Variants in SLC14A2 observed in about 807,000 individuals in gnomAD.
SLC14A2 encodes the protein urea transporter 2.
A neutral mutation model predicts 104.6 loss-of-function variants in SLC14A2; 91 were observed. The observed-to-expected ratio is 0.87, with a 90% CI of 0.73 to 1.04. The LOEUF (loss-of-function observed/expected upper bound fraction) is 1.04. SLC14A2 is among the 50% of genes least tolerant of loss of function. The pLI is 0.00. For synonymous variants in SLC14A2, 476 were observed against 466.4 expected, an observed-to-expected ratio of 1.02 and a Z score of -0.27; for missense variants, 1,189 against 1,156.0, an observed-to-expected ratio of 1.03 and a Z score of -0.41.
chr18:45,308,184 T>C (rs36043071), intron 1 of SLC14A2, among the ~76,000 whole-genome samples: 38,935 of 152,066 alleles, frequency 0.26, 5,742 homozygotes, highest in African/African-American at 0.41. Flanking sequence ...CACATTTCAA[T>C]ATGAGATTTG....
intron 1 of SLC14A2, among the ~76,000 whole-genome samples, chr18:45,415,169 C>T (rs1568190520): frequency 6.6e-6 from 1 of 152,056 alleles, no homozygotes; most frequent in Non-Finnish European, 1.5e-5. Flanking sequence ...TATTCTTGAC[C>T]TTTCGTGCAG....
intron 2 of SLC14A2, among the ~76,000 whole-genome samples, chr18:45,512,798 A>G (rs9957351): frequency 0.022 from 3,364 of 152,264 alleles, 134 homozygotes; most frequent in African/African-American, 0.076. Flanking sequence ...TCACAAGGCC[A>G]TTACTGGATT....
chr18:45,445,569 G>C (rs1215217548), intron 1 of SLC14A2, among the ~76,000 whole-genome samples: 5 of 152,154 alleles, frequency 3.3e-5, no homozygotes, highest in Admixed American at 6.5e-5. Context: ...CTCTCTGCTT[G>C]TTTTCTCATC....
At chr18:45,530,121 AC>A (rs900442634) in intron 2 of SLC14A2, among the ~76,000 whole-genome samples, 2 of 152,062 alleles carry the variant, frequency 1.3e-5, no homozygotes, top group Non-Finnish European at 2.9e-5. Flanking sequence ...CATTCAAACA[AC>A]CCTTCTTTTC....
intron 1 of SLC14A2, among the ~76,000 whole-genome samples, chr18:45,344,537 G>C (rs1295302293): frequency 1.3e-5 from 2 of 152,172 alleles, no homozygotes; most frequent in Non-Finnish European, 2.9e-5. Flanking sequence ...CAGATGAAGA[G>C]ACACTTAGAG....
intron 1 of SLC14A2, among the ~76,000 whole-genome samples, chr18:45,283,122 T>C (rs1485918641): frequency 6.6e-6 from 1 of 152,218 alleles, no homozygotes; most frequent in Non-Finnish European, 1.5e-5. Flanking sequence ...CCTGACTTAC[T>C]GAGACTTCTA....
chr18:45,414,757 A>AAATATATATATATATAT (rs1360051908), intron 1 of SLC14A2, among the ~76,000 whole-genome samples: 5 of 76,110 alleles, frequency 6.6e-5, no homozygotes, highest in African/African-American at 2.3e-4. Context: ...AAAAAAAAAA[A>AAATATATATATATATAT]ATATATATAT....
chr18:45,367,421 A>G (rs1300525287), intron 1 of SLC14A2, among the ~76,000 whole-genome samples: 1 of 152,230 alleles, frequency 6.6e-6, no homozygotes, highest in Non-Finnish European at 1.5e-5. Context: ...CATGTACAAG[A>G]ACAAGGAAAA....
chr18:45,529,713 C>T (rs528892944), intron 2 of SLC14A2: 3 of 152,164 alleles, frequency 2.0e-5, no homozygotes, highest in Admixed American at 1.3e-4. Context: ...GAACTCAAGG[C>T]CTAGGAGAAT....
At chr18:45,370,654 G>C (rs1198840016) in intron 1 of SLC14A2, among the ~76,000 whole-genome samples, 2 of 152,064 alleles carry the variant, frequency 1.3e-5, no homozygotes, top group Non-Finnish European at 2.9e-5. Flanking sequence ...CCCAGAAAGA[G>C]TGCACTTCAC....
intron 2 of SLC14A2, among the ~76,000 whole-genome samples, chr18:45,521,235 C>T (rs972663449): frequency 1.3e-5 from 2 of 152,212 alleles, no homozygotes; most frequent in South Asian, 2.1e-4. Flanking sequence ...CTTGATTATC[C>T]TTACTGATGG....
chr18:45,308,168 G>A (rs2085042947), intron 1 of SLC14A2, among the ~76,000 whole-genome samples: 1 of 152,122 alleles, frequency 6.6e-6, no homozygotes, highest in Non-Finnish European at 1.5e-5. Flanking sequence ...CTCTAACACT[G>A]GGGATCACAT....
chr18:45,659,757 C>A (rs770002530), intron 10 of SLC14A2, among the ~76,000 whole-genome samples: 3 of 152,136 alleles, frequency 2.0e-5, no homozygotes, highest in African/African-American at 7.2e-5. Context: ...AACATTTATA[C>A]TAAGATACAT....
intron 1 of SLC14A2, among the ~76,000 whole-genome samples, chr18:45,373,819 A>G (rs1374264786): frequency 6.6e-6 from 1 of 152,196 alleles, no homozygotes; most frequent in Non-Finnish European, 1.5e-5. Flanking sequence ...TTCTCCTAAT[A>G]GGTAGGTGAA....
chr18:45,613,574 A>G (rs2045008870), upstream of SLC14A2, among the ~76,000 whole-genome samples: 1 of 152,222 alleles, frequency 6.6e-6, no homozygotes, highest in Non-Finnish European at 1.5e-5. Flanking sequence ...GTCCAGGCAG[A>G]GGTGGTCTCA....
chr18:45,492,616 G>C (rs114698358), intron 2 of SLC14A2, among the ~76,000 whole-genome samples: 1 of 152,190 alleles, frequency 6.6e-6, no homozygotes, highest in Non-Finnish European at 1.5e-5. Flanking sequence ...ACAGAGCCAA[G>C]CCATATCAGA....
intron 2 of SLC14A2, among the ~76,000 whole-genome samples, chr18:45,580,064 C>A (rs1051355559): frequency 6.6e-6 from 1 of 152,018 alleles, no homozygotes; most frequent in Non-Finnish European, 1.5e-5. Context: ...TAAATTGCAG[C>A]AGATTATAAG....
chr18:45,466,472 G>T (rs1033068520), intron 1 of SLC14A2, among the ~76,000 whole-genome samples: 1 of 151,070 alleles, frequency 6.6e-6, no homozygotes, highest in East Asian at 1.9e-4. Context: ...CTTTCTGAAT[G>T]AGAGGAATAG....
In SLC14A2 at chr18:45,510,727, G is replaced by A. The variant is rs145503597; in HGVS notation, c.-35+27405G>A. 1.3e-4 allele frequency among the ~76,000 whole-genome samples: 19 copies of A among 151,272 alleles called. No individual in the cohort carries two copies. The East Asian group carries it at 2.5e-3, about 20-fold the overall frequency. ...CCTCTCAGAACAGCCAGCTGATCCC[G>A]TCATTGAGAGAACTTGTTTGGAGAG... On this transcript the variant is annotated intron_variant, in intron 2 of 20. Coordinates refer to the SLC14A2 transcript ENST00000586448.
Sources: allele counts gnomAD v4.1 joint callset (sites outside exome capture counted in the v4.1 genomes callset), GRCh38; gene constraint gnomAD v4.1.1; transcripts MANE v1.5; gene names NCBI Gene and HGNC (gene_info 2026-07-23, HGNC 2026-07-21).